Variants in CELF4 observed in about 807,000 individuals in gnomAD.
The protein encoded by CELF4 is CUG-BP- and ETR-3-like factor 4.
CELF4 carries 18 observed loss-of-function variants against 59.9 expected under a neutral mutation model. The ratio of observed to expected loss-of-function variants is 0.30; its 90% CI spans 0.21 to 0.45. The LOEUF is 0.45. Among genes scored for constraint, CELF4 ranks in the 20% least tolerant of loss-of-function variants. CELF4 has a pLI of 1.00. For synonymous variants in CELF4, 261 were observed against 267.1 expected (o/e 0.98, Z 0.22); for missense variants, 456 against 689.0 (o/e 0.66, Z 3.79).
At chr18:37,465,055 A>G (rs1257414845) in intron 2 of CELF4, among the ~76,000 whole-genome samples, 1 of 152,100 alleles carries the variant, frequency 6.6e-6, no homozygotes, top group Non-Finnish European at 1.5e-5. Context: ...TTCCTCACCT[A>G]TCAATTAAAG....
chr18:37,456,735 C>T (rs528572058), intron 2 of CELF4, among the ~76,000 whole-genome samples: 4 of 152,250 alleles, frequency 2.6e-5, no homozygotes, highest in East Asian at 1.9e-4. Context: ...TACCCTCCTG[C>T]GGATGCTCAA....
At chr18:37,405,839 C>T (rs1262667125) in intron 2 of CELF4, among the ~76,000 whole-genome samples, 2 of 152,148 alleles carry the variant, frequency 1.3e-5, no homozygotes, top group Non-Finnish European at 1.5e-5. Flanking sequence ...CACATCATTT[C>T]CATCACTTCA....
intron 2 of CELF4, among the ~76,000 whole-genome samples, chr18:37,445,212 A>G (rs1222198064): frequency 6.6e-6 from 1 of 152,056 alleles, no homozygotes; most frequent in Admixed American, 6.5e-5. Context: ...TCCCCACCAC[A>G]CTTCAGAGAC....
intron 2 of CELF4, among the ~76,000 whole-genome samples, chr18:37,400,602 A>C (rs2099314838): frequency 6.6e-6 from 1 of 152,202 alleles, no homozygotes; most frequent in Non-Finnish European, 1.5e-5. Flanking sequence ...GGAGCACTTA[A>C]AATACATTCT....
chr18:37,394,027 C>T (rs992174096), intron 2 of CELF4, among the ~76,000 whole-genome samples: 2 of 152,058 alleles, frequency 1.3e-5, no homozygotes, highest in African/African-American at 2.4e-5. Context: ...GCCAGCTTGT[C>T]GGGGGCCGCA....
At chr18:37,285,109 C>T (rs972769721) in intron 3 of CELF4, among the ~76,000 whole-genome samples, 3 of 152,206 alleles carry the variant, frequency 2.0e-5, no homozygotes, top group African/African-American at 7.2e-5. Flanking sequence ...GTGGGTGGGG[C>T]ACCCATAGCC....
At chr18:37,442,062 T>C (rs906303295) in intron 2 of CELF4, among the ~76,000 whole-genome samples, 5 of 152,268 alleles carry the variant, frequency 3.3e-5, no homozygotes, top group Admixed American at 6.5e-5. Flanking sequence ...ATTTCCTTTA[T>C]TGGGTGCCCC....
intron 1 of CELF4, among the ~76,000 whole-genome samples, chr18:37,500,617 T>C (rs1250358067): frequency 1.3e-5 from 2 of 150,928 alleles, no homozygotes; most frequent in East Asian, 4.0e-4. Context: ...CACTGCAAGC[T>C]CCGCCTCCTG....
At chr18:37,360,653 G>A (rs2098689195) in intron 2 of CELF4, among the ~76,000 whole-genome samples, 1 of 152,212 alleles carries the variant, frequency 6.6e-6, no homozygotes, top group Admixed American at 6.5e-5. Flanking sequence ...TCTCGTTGCA[G>A]GGCTATACTC....
At chr18:37,411,615 C>T (rs1041819615) in intron 2 of CELF4, among the ~76,000 whole-genome samples, 1 of 152,330 alleles carries the variant, frequency 6.6e-6, no homozygotes. Flanking sequence ...ATTTAAAACA[C>T]ACAAGATACC....
intron 1 of CELF4, among the ~76,000 whole-genome samples, chr18:37,513,449 T>C (rs2099946828): frequency 6.6e-6 from 1 of 152,162 alleles, no homozygotes; most frequent in Admixed American, 6.5e-5. Flanking sequence ...TGTGTGTCCA[T>C]GGATTGGCAG....
At chr18:37,323,192 CAG>C (rs2097184081) in intron 2 of CELF4, among the ~76,000 whole-genome samples, 1 of 151,814 alleles carries the variant, frequency 6.6e-6, no homozygotes, top group Non-Finnish European at 1.5e-5. Flanking sequence ...CCGGGAAGGA[CAG>C]AGATGGGAGG....
intron 1 of CELF4, among the ~76,000 whole-genome samples, chr18:37,499,822 C>T (rs1456928771): frequency 6.6e-6 from 1 of 152,190 alleles, no homozygotes; most frequent in Non-Finnish European, 1.5e-5. Flanking sequence ...TCTGTGTCCT[C>T]AGCATCCAGC....
chr18:37,355,362 G>A (rs1020795454), intron 2 of CELF4, among the ~76,000 whole-genome samples: 5 of 152,268 alleles, frequency 3.3e-5, no homozygotes, highest in African/African-American at 9.6e-5. Flanking sequence ...AACATGGAAA[G>A]CTATAAACTT....
At chr18:37,513,790 T>C (rs1249767351) in intron 1 of CELF4, among the ~76,000 whole-genome samples, 1 of 152,090 alleles carries the variant, frequency 6.6e-6, no homozygotes, top group East Asian at 1.9e-4. Flanking sequence ...TCCGCAGTGC[T>C]CCCTCCTCTA....
chr18:37,440,700 G>A (rs770420782), intron 2 of CELF4, among the ~76,000 whole-genome samples: 1 of 152,140 alleles, frequency 6.6e-6, no homozygotes, highest in South Asian at 2.1e-4. Flanking sequence ...GGCCTGGAGG[G>A]GAGAGCGAGG....
chr18:37,272,462 C>T (rs2091697621), intron 7 of CELF4, among the ~76,000 whole-genome samples: 1 of 150,800 alleles, frequency 6.6e-6, no homozygotes, highest in South Asian at 2.1e-4. Flanking sequence ...GATTTGTGAG[C>T]TGGGTTCTTT....
chr18:37,334,429 C>G (rs897386742), intron 2 of CELF4, among the ~76,000 whole-genome samples: 2 of 152,168 alleles, frequency 1.3e-5, no homozygotes, highest in Admixed American at 1.3e-4. Context: ...CTGGGCCTGG[C>G]GAGGGGATCT....
intron 2 of CELF4, among the ~76,000 whole-genome samples, chr18:37,461,910 G>C (rs1360563870): frequency 1.3e-5 from 2 of 152,228 alleles, no homozygotes; most frequent in Admixed American, 6.5e-5. Flanking sequence ...ATGTCTGACT[G>C]TTGGTGAGGA....
Sources: allele counts gnomAD v4.1 joint callset (sites outside exome capture counted in the v4.1 genomes callset), GRCh38; gene constraint gnomAD v4.1.1; transcripts MANE v1.5; gene names NCBI Gene and HGNC (gene_info 2026-07-23, HGNC 2026-07-21).